Variants in SLC8A1 observed in about 807,000 individuals in gnomAD.
SLC8A1 encodes the protein sodium/calcium exchanger 1.
A neutral mutation model predicts 68.3 loss-of-function variants in SLC8A1; 18 were observed. That is an observed-to-expected ratio of 0.26 (90% CI 0.18 to 0.39). The LOEUF (loss-of-function observed/expected upper bound fraction) is 0.39. SLC8A1 is among the 10% of genes least tolerant of loss of function. SLC8A1 has a pLI of 1.00. For synonymous variants in SLC8A1, 475 were observed against 415.5 expected (o/e 1.14, Z -1.74); for missense variants, 985 against 1,156.7 (o/e 0.85, Z 2.15).
chr2:40,205,902 G>A (rs185680689), intron 2 of SLC8A1, among the ~76,000 whole-genome samples: 7 of 151,726 alleles, frequency 4.6e-5, no homozygotes. Context: ...GCCCATGGGT[G>A]CAGGGATCAC....
At chr2:40,342,721 G>T (rs995668163) in intron 2 of SLC8A1, among the ~76,000 whole-genome samples, 1 of 152,124 alleles carries the variant, frequency 6.6e-6, no homozygotes, top group Non-Finnish European at 1.5e-5. Context: ...CGATACTAAA[G>T]TCTCACACAA....
At chr2:40,312,786 A>C (rs955590532) in intron 2 of SLC8A1, among the ~76,000 whole-genome samples, 9 of 152,122 alleles carry the variant, frequency 5.9e-5, no homozygotes, top group African/African-American at 2.2e-4. Context: ...CAACTGTAGA[A>C]AACTATAGAT....
chr2:40,488,633 A>C (rs1705121604), intron 1 of SLC8A1, among the ~76,000 whole-genome samples: 1 of 152,108 alleles, frequency 6.6e-6, no homozygotes, highest in Non-Finnish European at 1.5e-5. Flanking sequence ...GAAAAAGAAA[A>C]ACAGACATTT....
At chr2:40,432,401 T>TTG (rs112824729) in intron 1 of SLC8A1, among the ~76,000 whole-genome samples, 5,204 of 128,764 alleles carry the variant, frequency 0.04, 336 homozygotes, top group African/African-American at 0.14. Flanking sequence ...GAGTGTGAGA[T>TTG]TGTGTGTGTG....
chr2:40,497,074 TA>T (rs75706927), intron 1 of SLC8A1, among the ~76,000 whole-genome samples: 12,094 of 148,920 alleles, frequency 0.081, 899 homozygotes, highest in East Asian at 0.4. Flanking sequence ...TAAAGTACAA[TA>T]AAAAAAAAAT....
intron 2 of SLC8A1, among the ~76,000 whole-genome samples, chr2:40,199,531 T>G (rs1488782496): frequency 1.3e-5 from 2 of 151,434 alleles, no homozygotes; most frequent in Non-Finnish European, 3.0e-5. Context: ...AAAACAATAC[T>G]AGATCAAAAA....
chr2:40,112,741 C>A (rs1283840574), exon 8 of SLC8A1: 1 of 152,242 alleles, frequency 6.6e-6, no homozygotes, highest in Non-Finnish European at 1.5e-5. Context: ...AGTTCCATTG[C>A]CAACAAAGAT....
exon 2 of SLC8A1, chr2:40,428,848 C>T (rs754650988): frequency 1.2e-6 from 2 of 1,613,652 alleles, no homozygotes; most frequent in African/African-American, 1.3e-5. Context: ...ATCTATGATA[C>T]CCACTCTGAT....
At chr2:40,503,858 A>G (rs1011738764) in intron 1 of SLC8A1, among the ~76,000 whole-genome samples, 6 of 152,044 alleles carry the variant, frequency 3.9e-5, no homozygotes, top group African/African-American at 1.2e-4. Context: ...AAGAACCAAT[A>G]TTGTTAAAAT....
At chr2:40,307,959 ACCTG>A (rs1275419379) in intron 2 of SLC8A1, among the ~76,000 whole-genome samples, 25 of 152,150 alleles carry the variant, frequency 1.6e-4, no homozygotes, top group African/African-American at 5.6e-4. Flanking sequence ...GGAGAAGAAG[ACCTG>A]CTAAAAGAGT....
exon 2 of SLC8A1, chr2:40,430,237 A>T (rs772267395): frequency 1.2e-6 from 2 of 1,613,464 alleles, no homozygotes; most frequent in East Asian, 4.5e-5. Flanking sequence ...ATGAAATCCC[A>T]TTGAAAAGGT....
intron 2 of SLC8A1, among the ~76,000 whole-genome samples, chr2:40,365,636 G>T (rs1675924874): frequency 6.6e-6 from 1 of 152,028 alleles, no homozygotes. Context: ...CTGTTTGGTT[G>T]ATGACCTGTC....
At chr2:40,214,125 A>G (rs1464897691) in intron 2 of SLC8A1, among the ~76,000 whole-genome samples, 1 of 152,190 alleles carries the variant, frequency 6.6e-6, no homozygotes, top group African/African-American at 2.4e-5. Flanking sequence ...GTTTCTCCCC[A>G]TACATTTTCC....
At chr2:40,434,799 C>T (rs529591652) in intron 1 of SLC8A1, among the ~76,000 whole-genome samples, 1 of 152,238 alleles carries the variant, frequency 6.6e-6, no homozygotes, top group South Asian at 2.1e-4. Context: ...ATTACAGACC[C>T]AAATGACACT....
intron 2 of SLC8A1, among the ~76,000 whole-genome samples, chr2:40,200,870 T>G (rs1379411152): frequency 6.6e-6 from 1 of 151,896 alleles, no homozygotes; most frequent in Non-Finnish European, 1.5e-5. Context: ...ACAACCCACT[T>G]AAATATTTAT....
At chr2:40,206,161 A>C (rs1051661670) in intron 2 of SLC8A1, among the ~76,000 whole-genome samples, 6 of 152,096 alleles carry the variant, frequency 3.9e-5, no homozygotes, top group African/African-American at 7.2e-5. Context: ...AGCTATGAAG[A>C]ACCAATTAGG....
intron 2 of SLC8A1, chr2:40,213,223 G>A (rs1208240187): frequency 2.6e-5 from 4 of 152,158 alleles, no homozygotes; most frequent in African/African-American, 9.7e-5. Context: ...TCACTGGTAA[G>A]ATCACCGAGT....
chr2:40,116,711 G>A (rs534363234), intron 7 of SLC8A1: 7 of 152,186 alleles, frequency 4.6e-5, no homozygotes, highest in Non-Finnish European at 7.3e-5. Flanking sequence ...TCTTCAAAAC[G>A]AATGCTTTCT....
At chr2:40,370,971 T>G (rs1017980540) in intron 2 of SLC8A1, among the ~76,000 whole-genome samples, 1 of 152,078 alleles carries the variant, frequency 6.6e-6, no homozygotes, top group African/African-American at 2.4e-5. Context: ...CCCCTAGACA[T>G]TCATTTCTAT....
Sources: allele counts gnomAD v4.1 joint callset (sites outside exome capture counted in the v4.1 genomes callset), GRCh38; gene constraint gnomAD v4.1.1; transcripts MANE v1.5; gene names NCBI Gene and HGNC (gene_info 2026-07-23, HGNC 2026-07-21).